HS6ST3: variants seen among roughly 807,000 people sequenced by gnomAD.
HS6ST3 encodes heparan-sulfate 6-O-sulfotransferase 3.
In HS6ST3, 12 loss-of-function variants were observed where a neutral mutation model predicts 36.7. The ratio of observed to expected loss-of-function variants is 0.33; its 90% CI spans 0.21 to 0.53. The LOEUF (loss-of-function observed/expected upper bound fraction) is 0.53. Ranked by LOEUF, HS6ST3 falls within the 20% of genes least tolerant of loss-of-function variation. The pLI, the probability that HS6ST3 is intolerant of heterozygous loss-of-function variation, is 0.95. For missense variants in HS6ST3, 584 were observed against 640.9 expected (o/e 0.91, Z 0.96); for synonymous variants, 240 against 257.5 (o/e 0.93, Z 0.65).
intron 1 of HS6ST3, among the ~76,000 whole-genome samples, chr13:96,545,692 G>A (rs2138945115): frequency 6.6e-6 from 1 of 152,208 alleles, no homozygotes; most frequent in East Asian, 1.9e-4. Context: ...TTTATTACCT[G>A]TGTTCTTATT....
chr13:96,384,795 G>T (rs1191559722), intron 1 of HS6ST3, among the ~76,000 whole-genome samples: 1 of 152,126 alleles, frequency 6.6e-6, no homozygotes, highest in Non-Finnish European at 1.5e-5. Flanking sequence ...TACTACCCAA[G>T]CTCAGATTCT....
At position 96,633,661 on chromosome 13, in the gene HS6ST3, A is replaced by G. The variant is rs577143644; in HGVS notation, c.708-198829A>G. On this transcript the variant is annotated intron_variant, in intron 1 of 1. Coordinates refer to ENST00000376705, the MANE Select transcript of HS6ST3 (RefSeq NM_153456.4). The stretch of plus-strand genomic sequence containing the variant: ...TTGTTGGCCACCTGTTACCCCAAAT[A>G]TACATGTAAATGTGGAAGTGGATCT... 6.6e-5 allele frequency among the ~76,000 whole-genome samples: 10 copies of G among 152,270 alleles called. No individual in the cohort carries two copies. The East Asian group carries it at 1.9e-3, about 30-fold the overall frequency.
chr13:96,395,192 G>T (rs1184062388), intron 1 of HS6ST3, among the ~76,000 whole-genome samples: 1 of 152,106 alleles, frequency 6.6e-6, no homozygotes, highest in Non-Finnish European at 1.5e-5. Flanking sequence ...CTTTTGTAAT[G>T]ATAATAATAT....
intron 1 of HS6ST3, among the ~76,000 whole-genome samples, chr13:96,762,526 C>G (rs1876995788): frequency 6.6e-6 from 1 of 152,130 alleles, no homozygotes; most frequent in Admixed American, 6.5e-5. Flanking sequence ...TGTTGGGACA[C>G]AAACTGTAAA....
intron 1 of HS6ST3, among the ~76,000 whole-genome samples, chr13:96,650,530 C>A (rs2056603763): frequency 6.6e-6 from 1 of 151,738 alleles, no homozygotes; most frequent in South Asian, 2.1e-4. Flanking sequence ...GAAGCTGAGG[C>A]TGGGATGAGG....
intron 1 of HS6ST3, among the ~76,000 whole-genome samples, chr13:96,203,760 AG>A (rs768695861): frequency 1.5e-4 from 23 of 152,198 alleles, no homozygotes; most frequent in Non-Finnish European, 2.9e-4. Context: ...TCCTAGTGAA[AG>A]GGGGTTCAAA....
chr13:96,409,344 A>G (rs112017020), intron 1 of HS6ST3, among the ~76,000 whole-genome samples: 52 of 152,360 alleles, frequency 3.4e-4, no homozygotes, highest in African/African-American at 1.2e-3. Flanking sequence ...TATTTCTTTT[A>G]TATTGTACAC....
intron 1 of HS6ST3, among the ~76,000 whole-genome samples, chr13:96,521,001 A>T (rs1413604650): frequency 6.6e-6 from 1 of 152,068 alleles, no homozygotes; most frequent in Non-Finnish European, 1.5e-5. Context: ...TATAACTCTT[A>T]TTTAAATTTT....
chr13:96,714,553 T>C (rs1875644155), intron 1 of HS6ST3, among the ~76,000 whole-genome samples: 1 of 152,204 alleles, frequency 6.6e-6, no homozygotes, highest in Admixed American at 6.6e-5. Context: ...GGAATTTTAA[T>C]TGGTATCAGT....
intron 1 of HS6ST3, among the ~76,000 whole-genome samples, chr13:96,492,824 T>TGAGAGGTC (rs2055953410): frequency 1.3e-5 from 2 of 152,152 alleles, no homozygotes; most frequent in African/African-American, 4.8e-5. Flanking sequence ...AAATGGGGGT[T>TGAGAGGTC]GAGAGGTCTT....
At chr13:96,601,601 G>T in intron 1 of HS6ST3, among the ~76,000 whole-genome samples, 1 of 152,124 alleles carries the variant, frequency 6.6e-6, no homozygotes, top group East Asian at 1.9e-4. Flanking sequence ...TGGATACTTT[G>T]TCTGGTATAT....
intron 1 of HS6ST3, among the ~76,000 whole-genome samples, chr13:96,518,069 G>A (rs1177129138): frequency 6.6e-6 from 1 of 152,082 alleles, no homozygotes; most frequent in African/African-American, 2.4e-5. Flanking sequence ...GAACATGATG[G>A]AGCTGGGGGC....
intron 1 of HS6ST3, among the ~76,000 whole-genome samples, chr13:96,242,055 G>C (rs2054563193): frequency 6.6e-6 from 1 of 152,028 alleles, no homozygotes; most frequent in Non-Finnish European, 1.5e-5. Context: ...AAAGTGCTGA[G>C]ATTACAGGCG....
chr13:96,628,411 T>C (rs901222573), intron 1 of HS6ST3, among the ~76,000 whole-genome samples: 2 of 152,028 alleles, frequency 1.3e-5, no homozygotes, highest in South Asian at 2.1e-4. Context: ...TTGAGACTTA[T>C]TTTATGGCCT....
At chr13:96,373,868 C>T (rs2055302335) in intron 1 of HS6ST3, among the ~76,000 whole-genome samples, 1 of 152,194 alleles carries the variant, frequency 6.6e-6, no homozygotes, top group Non-Finnish European at 1.5e-5. Flanking sequence ...GTCTGACTAT[C>T]ACAACTTCCA....
chr13:96,165,154 T>C (rs1369658380), intron 1 of HS6ST3, among the ~76,000 whole-genome samples: 1 of 152,220 alleles, frequency 6.6e-6, no homozygotes, highest in East Asian at 1.9e-4. Flanking sequence ...TACATAATTT[T>C]CTTTTTTTAA....
chr13:96,707,126 T>C (rs1277741575), intron 1 of HS6ST3, among the ~76,000 whole-genome samples: 1 of 152,166 alleles, frequency 6.6e-6, no homozygotes, highest in Non-Finnish European at 1.5e-5. Flanking sequence ...ACTCATATGT[T>C]TAAACTCTAA....
intron 1 of HS6ST3, among the ~76,000 whole-genome samples, chr13:96,095,801 T>C (rs1267846831): frequency 6.6e-6 from 1 of 151,964 alleles, no homozygotes; most frequent in African/African-American, 2.4e-5. Context: ...TCAATCATTG[T>C]GTCCAGAGAG....
intron 1 of HS6ST3, among the ~76,000 whole-genome samples, chr13:96,186,178 G>A (rs1445577097): frequency 6.6e-6 from 1 of 151,998 alleles, no homozygotes. Flanking sequence ...ATCACCATTC[G>A]TATATGCATG....
Sources: allele counts gnomAD v4.1 joint callset (sites outside exome capture counted in the v4.1 genomes callset), GRCh38; gene constraint gnomAD v4.1.1; transcripts MANE v1.5; gene names NCBI Gene and HGNC (gene_info 2026-07-23, HGNC 2026-07-21).